The following DOK7 variants were observed in gnomAD, a reference collection of about 807,000 sequenced individuals.
The protein encoded by DOK7 is docking protein 7.
A neutral mutation model predicts 30.7 loss-of-function variants in DOK7; 32 were observed. The observed-to-expected ratio is 1.04, with a 90% CI of 0.79 to 1.40. DOK7 has a LOEUF of 1.40. Ranked by LOEUF, DOK7 falls within the 40% of genes most tolerant of loss-of-function variation. The probability of loss-of-function intolerance (pLI) is 0.00; values close to 1 mark genes in which losing one functional copy is unlikely to be tolerated. For synonymous variants in DOK7, 447 were observed against 324.1 expected (o/e 1.38, Z -4.07); for missense variants, 1,007 against 699.2 (o/e 1.44, Z -4.97).
intron 2 of DOK7, among the ~76,000 whole-genome samples, chr4:3,464,059 C>T (rs994945539): frequency 2.0e-5 from 3 of 152,134 alleles, no homozygotes; most frequent in East Asian, 3.9e-4. Context: ...GGGGTCCCCC[C>T]CCAGTCCCCG....
chr4:3,493,104 T>C lies in DOK7; in HGVS notation c.1118T>C (p.Leu373Pro), dbSNP rs1254368671. ...GCCACAGATGAACTGGGCTCACTGC[T>C]CAGCCTGCCAGCAGCGGGGGCCCCC... ...WRATDELGSLLSLPAAGAPEP... is the reference protein window; with the variant it reads ...WRATDELGSLPSLPAAGAPEP... Residue 373 changes from leucine to proline, a missense_variant, in exon 7 of 7, where the codon CTC becomes CCC. Coordinates refer to ENST00000340083, the MANE Select transcript of DOK7 (RefSeq NM_173660.5). The C allele has an allele frequency of 6.3e-7, 1 of 1,583,322 alleles. No individual in the cohort carries two copies.
intron 5 of DOK7, among the ~76,000 whole-genome samples, chr4:3,487,726 C>T (rs1386936041): frequency 6.6e-6 from 1 of 152,196 alleles, no homozygotes; most frequent in Non-Finnish European, 1.5e-5. Context: ...GCTGGCCCAC[C>T]AGTTACTGGA....
chr4:3,468,879 G>A (rs1042161925), intron 2 of DOK7, among the ~76,000 whole-genome samples: 11 of 150,428 alleles, frequency 7.3e-5, no homozygotes, highest in South Asian at 4.3e-4. Flanking sequence ...GCCTGTGTAC[G>A]AGTGTGCCTG....
At chr4:3,468,364 GTGTC>G (rs773799011) in intron 2 of DOK7, among the ~76,000 whole-genome samples, 1 of 151,642 alleles carries the variant, frequency 6.6e-6, no homozygotes, top group African/African-American at 2.4e-5. Flanking sequence ...CTGTGTGCGT[GTGTC>G]TGTGTGTGCA....
At chr4:3,501,358 C>G (rs1729174317) in exon 8 of DOK7, 1 of 155,502 alleles carries the variant, frequency 6.4e-6, no homozygotes, top group Non-Finnish European at 1.4e-5. Flanking sequence ...GAATCCCCTC[C>G]CCGCCTCCCG....
At chr4:3,490,600 T>TC (rs1728275088) in intron 6 of DOK7, among the ~76,000 whole-genome samples, 1 of 36,392 alleles carries the variant, frequency 2.7e-5, no homozygotes, top group Non-Finnish European at 4.6e-5. Context: ...CCTTCATTTC[T>TC]TCTCTCCCTG....
chr4:3,490,880 T>C (rs1728328442), intron 6 of DOK7, among the ~76,000 whole-genome samples: 1 of 102,386 alleles, frequency 9.8e-6, no homozygotes, highest in Non-Finnish European at 1.8e-5. Context: ...TTCATTACCC[T>C]CCTGCTCATT....
At chr4:3,483,012 T>A (rs1350758935) in intron 4 of DOK7, among the ~76,000 whole-genome samples, 1 of 149,908 alleles carries the variant, frequency 6.7e-6, no homozygotes, top group Non-Finnish European at 1.5e-5. Context: ...ATGAAAGGTG[T>A]CGTTATGTGG....
chr4:3,468,580 TTGTC>T (rs571774929), intron 2 of DOK7, among the ~76,000 whole-genome samples: 12 of 140,154 alleles, frequency 8.6e-5, no homozygotes, highest in African/African-American at 3.3e-4. Context: ...ATGTGTGTGC[TTGTC>T]TGAGTGTGCG....
In DOK7 at chr4:3,492,826, G is replaced by A; in HGVS notation, c.840G>A (p.Arg280=). 1 of 1,612,484 alleles carries A rather than the reference G, an allele frequency of 6.2e-7. No homozygotes were observed. ...ACTTGGACGTCAGCGCCAGCAGCCG[G>A]CTCACCGCATGGCCAGAGCAATCCT... is the stretch of plus-strand genomic sequence containing the variant. The part of the protein sequence containing the change: ...ASHLDVSASS[R]LTAWPEQSSS... The change falls in exon 7 of 7, where the codon CGG becomes CGA. Residue 280 remains arginine (R), a synonymous_variant. Transcript: ENST00000340083.
At position 3,489,805 on chromosome 4, in the gene DOK7, G is replaced by C; in HGVS notation, c.772+9G>C. On this transcript the variant is annotated intron_variant, in intron 6 of 6. Coordinates refer to ENST00000340083, the MANE Select transcript of DOK7 (RefSeq NM_173660.5). ...CAGGCCGGGCAGTGGAGGTAGGGCC[G>C]GGGGCTGACCTGGGCTGTGGGACCT... 1 of 1,569,006 alleles carries C rather than the reference G, an allele frequency of 6.4e-7. No individual in the cohort carries two copies. Among genetic ancestry groups the C allele is most frequent in the Non-Finnish European group, 8.6e-7 (1 of 1,156,636 alleles).
In DOK7 at chr4:3,489,770, C is replaced by G. The variant is rs1286718786; in HGVS notation, c.746C>G (p.Ser249Ter). The G allele has an allele frequency of 1.3e-6, 2 of 1,573,322 alleles. No individual in the cohort carries two copies. Among genetic ancestry groups the G allele is most frequent in the Non-Finnish European group, 8.6e-7 (1 of 1,159,114 alleles). Residue 249 changes from serine to a stop codon, truncating the protein, a stop_gained, in exon 6 of 7, where the codon TCA becomes TGA. Transcript: ENST00000340083. LOFTEE classifies it low-confidence loss of function (END_TRUNC). ...LQLEKRLSLL[S>*]HAGRPGSGGD... ...CTGGAGAAGCGGCTGAGCCTCCTCT[C>G]ACATGCGGGCAGGCCGGGCAGTGGA...
At chr4:3,481,423 G>C (rs1727435515) in intron 4 of DOK7, among the ~76,000 whole-genome samples, 1 of 151,388 alleles carries the variant, frequency 6.6e-6, no homozygotes, top group Non-Finnish European at 1.5e-5. Flanking sequence ...GACAAGGGGA[G>C]GAGGGCCGGC....
intron 6 of DOK7, 111 bp downstream of exon 6, chr4:3,489,907 T>G (rs1728090350): frequency 6.8e-7 from 1 of 1,460,946 alleles, no homozygotes; most frequent in Middle Eastern, 1.8e-4. Flanking sequence ...TGCTCATTCA[T>G]TCATTCCTTC....
chr4:3,485,390 TC>T (rs1727705517), intron 4 of DOK7, 148 bp from the exon 5 acceptor site: 1 of 1,096,232 alleles, frequency 9.1e-7, no homozygotes, highest in Admixed American at 3.5e-5. Context: ...AGGCGGGGTG[TC>T]GGCTCTGGGC....
chr4:3,474,686 G>A (rs1048737753), intron 3 of DOK7, among the ~76,000 whole-genome samples: 3 of 152,162 alleles, frequency 2.0e-5, no homozygotes, highest in Non-Finnish European at 2.9e-5. Context: ...GCCTGGTGTG[G>A]TGGTGGGCAC....
intron 2 of DOK7, among the ~76,000 whole-genome samples, chr4:3,472,480 G>A (rs867897409): frequency 2.0e-5 from 3 of 152,224 alleles, no homozygotes; most frequent in Non-Finnish European, 4.4e-5. Flanking sequence ...GCCTAGGTGG[G>A]AGGAGGCCTG....
downstream of DOK7, among the ~76,000 whole-genome samples, chr4:3,495,281 G>A (rs1170475622): frequency 1.3e-5 from 2 of 152,230 alleles, no homozygotes; most frequent in Non-Finnish European, 2.9e-5. Flanking sequence ...CAGGACGAGT[G>A]AGGCTGTGGC....
chr4:3,463,460 G>GTT, intron 1 of DOK7, 31 bp downstream of exon 1: 4 of 1,419,752 alleles, frequency 2.8e-6, no homozygotes, highest in South Asian at 2.9e-5. Context: ...CGGGGGGGGG[G>GTT]GGCGCGGGCG....
Sources: gnomAD v4.1 joint callset for allele counts (sites outside exome capture counted in the v4.1 genomes callset) on GRCh38, gnomAD v4.1.1 for gene constraint, MANE v1.5 for transcripts, NCBI Gene and HGNC (gene_info 2026-07-23, HGNC 2026-07-21) for gene names.